The following IGSF11 variants were observed in gnomAD, a reference collection of about 807,000 sequenced individuals.
IGSF11 encodes immunoglobulin superfamily member 11.
A neutral mutation model predicts 41.0 loss-of-function variants in IGSF11; 22 were observed. That is an observed-to-expected ratio of 0.54 (90% CI 0.38 to 0.77). The LOEUF is 0.77. Among genes scored for constraint, IGSF11 ranks in the 30% least tolerant of loss-of-function variants. The pLI is 0.00. For missense variants in IGSF11, 444 were observed against 530.8 expected (o/e 0.84, Z 1.61); for synonymous variants, 219 against 201.3 (o/e 1.09, Z -0.74).
intron 1 of IGSF11, among the ~76,000 whole-genome samples, chr3:118,953,584 A>T (rs9861550): frequency 6.6e-6 from 1 of 151,906 alleles, no homozygotes; most frequent in Non-Finnish European, 1.5e-5. Context: ...GATTTTTTTT[A>T]TTATGGCCAT....
intron 4 of IGSF11, among the ~76,000 whole-genome samples, chr3:118,918,543 A>C (rs1316869681): frequency 5.1e-5 from 7 of 136,628 alleles, no homozygotes; most frequent in African/African-American, 2.1e-4. Flanking sequence ...TAGGAATCCA[A>C]CTTACAAGGG....
At chr3:118,912,748 A>C (rs141984253) in intron 4 of IGSF11, among the ~76,000 whole-genome samples, 4 of 152,328 alleles carry the variant, frequency 2.6e-5, no homozygotes, top group Non-Finnish European at 5.9e-5. Context: ...AGTTATGTGA[A>C]GGTCACTATA....
At chr3:119,100,198 A>G (rs56213565) in intron 1 of IGSF11, among the ~76,000 whole-genome samples, 3 of 152,216 alleles carry the variant, frequency 2.0e-5, no homozygotes, top group Non-Finnish European at 4.4e-5. Context: ...AGACAAACTG[A>G]AAAAGAGAAA....
Position 119,003,676 on chromosome 3 carries a change from T to C in IGSF11, c.52+30855A>G, listed in dbSNP as rs1287736792. On this transcript the variant is annotated intron_variant, in intron 1 of 6. Transcript: ENST00000393775. ...TATTGAGAGTTTTTAGCATGAAGGGTTGTTGAATTTTGTCAAAGGCTTTTT... is the reference window on the plus strand; with the variant it reads ...TATTGAGAGTTTTTAGCATGAAGGGCTGTTGAATTTTGTCAAAGGCTTTTT... Among the ~76,000 whole-genome samples, 8 of 151,862 alleles carry C rather than the reference T, an allele frequency of 5.3e-5. No individual in the cohort carries two copies. The East Asian group carries it at 5.8e-4, about 11-fold the overall frequency.
rs866997980 is a variant in IGSF11, at chr3:118,920,061, G to T, written c.580+6040C>A. Among the ~76,000 whole-genome samples, 205 of 137,602 alleles carry T rather than the reference G, an allele frequency of 1.5e-3. 2 individuals are homozygous for T. In the Middle Eastern group the frequency reaches 0.025, roughly 17 times the overall value. The allele number at this position is 137,602 out of a possible 152,430, so 90.3% of individuals were successfully genotyped here. ...CACTCATAGGTGGGAATTGAACAAT[G>T]AGATCACCTGGACACATGAAGGGGA... On this transcript the variant is annotated intron_variant, in intron 4 of 6. Transcript: ENST00000393775.
chr3:119,111,394 G>C (rs1451898079), intron 1 of IGSF11, among the ~76,000 whole-genome samples: 1 of 152,114 alleles, frequency 6.6e-6, no homozygotes, highest in African/African-American at 2.4e-5. Flanking sequence ...AGCTCCTGAG[G>C]CTTCTGCATT....
In IGSF11 at chr3:118,902,712, T is replaced by C. The variant is rs926361776; in HGVS notation, c.1104A>G (p.Gln368=). The part of the protein sequence containing the change: ...YANGTHLVPG[Q]HKTLVVTANR... ...TGGCTGTCACTACCAGAGTCTTATG[T>C]TGACCCGGGACCAGATGGGTCCCAT... Residue 368 remains glutamine, a synonymous_variant, in exon 7 of 7, where the codon CAA becomes CAG. Transcript: ENST00000393775. 6.2e-7 allele frequency: 1 copy of C among 1,614,148 alleles called. No homozygotes were observed. Among genetic ancestry groups the C allele is most frequent in the African/African-American group, 1.3e-5 (1 of 75,050 alleles).
intron 1 of IGSF11, among the ~76,000 whole-genome samples, chr3:119,026,647 A>G (rs1939858955): frequency 6.6e-6 from 1 of 152,226 alleles, no homozygotes; most frequent in African/African-American, 2.4e-5. Flanking sequence ...TCTTTGATGA[A>G]GCAATAACAA....
chr3:119,055,307 A>G (rs1941784775), intron 1 of IGSF11, among the ~76,000 whole-genome samples: 1 of 151,584 alleles, frequency 6.6e-6, no homozygotes, highest in African/African-American at 2.4e-5. Context: ...CTCACCAGCA[A>G]TGGAACAAAG....
chr3:119,067,103 C>A (rs1360738136), intron 1 of IGSF11, among the ~76,000 whole-genome samples: 1 of 152,082 alleles, frequency 6.6e-6, no homozygotes, highest in Admixed American at 6.6e-5. Context: ...AATCTAGTAG[C>A]TTTTTATTGT....
intron 1 of IGSF11, among the ~76,000 whole-genome samples, chr3:119,113,964 A>G (rs1178799246): frequency 6.6e-6 from 1 of 152,250 alleles, no homozygotes; most frequent in Admixed American, 6.5e-5. Context: ...TACAGATTGC[A>G]TCCTTTGAAG....
intron 1 of IGSF11, among the ~76,000 whole-genome samples, chr3:119,101,520 A>T: frequency 6.6e-6 from 1 of 152,202 alleles, no homozygotes. Flanking sequence ...TCAAAAAACA[A>T]AAAAAGTAAA....
At chr3:118,994,662 G>A (rs1434972871) in intron 1 of IGSF11, among the ~76,000 whole-genome samples, 7 of 152,160 alleles carry the variant, frequency 4.6e-5, no homozygotes, top group Admixed American at 2.0e-4. Context: ...GAGATGAGAC[G>A]AGAAGAGGAA....
intron 1 of IGSF11, among the ~76,000 whole-genome samples, chr3:118,962,642 G>C (rs541225894): frequency 1.7e-4 from 26 of 152,154 alleles, no homozygotes; most frequent in African/African-American, 6.0e-4. Context: ...CATAAATAAA[G>C]GTAAAGAGCA....
rs967603460 is a variant in IGSF11 at position 118,917,000 on chromosome 3, G to A, written c.580+9101C>T. Among the ~76,000 whole-genome samples, 8 of 152,204 alleles carry A rather than the reference G, an allele frequency of 5.3e-5. No individual in the cohort carries two copies. The South Asian group carries it at 8.3e-4, about 16-fold the overall frequency. Reference sequence around the variant, plus strand: ...ATGGAAACTGAACAACCTGCTCCTGGATGACTACTGGGTACATAAGGAAAT... The same window carrying A: ...ATGGAAACTGAACAACCTGCTCCTGAATGACTACTGGGTACATAAGGAAAT... On this transcript the variant is annotated intron_variant, in intron 4 of 6. Transcript: ENST00000393775.
chr3:119,142,170 G>A (rs2107550683), intron 1 of IGSF11, among the ~76,000 whole-genome samples: 1 of 151,832 alleles, frequency 6.6e-6, no homozygotes, highest in South Asian at 2.1e-4. Flanking sequence ...AGCTACTCGG[G>A]AGGCTGAAGC....
intron 1 of IGSF11, among the ~76,000 whole-genome samples, chr3:118,932,349 CAG>C: frequency 6.6e-6 from 1 of 152,238 alleles, no homozygotes; most frequent in African/African-American, 2.4e-5. Flanking sequence ...AAAAAAGTAA[CAG>C]AATAACATAC....
intron 1 of IGSF11, among the ~76,000 whole-genome samples, chr3:118,965,018 C>G (rs1461355742): frequency 6.6e-6 from 1 of 152,062 alleles, no homozygotes; most frequent in Non-Finnish European, 1.5e-5. Flanking sequence ...GGTTATGTAC[C>G]TTGCCCAGAG....
chr3:119,077,317 AAATGACGAGTT>A (rs2076517430), intron 1 of IGSF11, among the ~76,000 whole-genome samples: 1 of 152,132 alleles, frequency 6.6e-6, no homozygotes, highest in Non-Finnish European at 1.5e-5. Context: ...TACCTAATGT[AAATGACGAGTT>A]AATGGGTACA....
Sources: gnomAD v4.1 joint callset for allele counts (sites outside exome capture counted in the v4.1 genomes callset) on GRCh38, gnomAD v4.1.1 for gene constraint, MANE v1.5 for transcripts, NCBI Gene and HGNC (gene_info 2026-07-23, HGNC 2026-07-21) for gene names.